Variants in SHISA6 observed in about 807,000 individuals in gnomAD.
The protein encoded by SHISA6 is shisa family member 6.
SHISA6 carries 22 observed loss-of-function variants against 47.9 expected under a neutral mutation model. The observed-to-expected ratio is 0.46, with a 90% CI of 0.33 to 0.66. The LOEUF (loss-of-function observed/expected upper bound fraction) is 0.66. SHISA6 is among the 30% of genes least tolerant of loss of function. The pLI is 0.02. For missense variants in SHISA6, 680 were observed against 764.6 expected, an observed-to-expected ratio of 0.89 and a Z score of 1.30; for synonymous variants, 388 against 337.8, an observed-to-expected ratio of 1.15 and a Z score of -1.63.
chr17:11,459,451 G>A (rs192845002), intron 3 of SHISA6, among the ~76,000 whole-genome samples: 246 of 152,234 alleles, frequency 1.6e-3, no homozygotes, highest in Admixed American at 0.015. Context: ...GTATGAGGCA[G>A]GTGTACAGGG....
intron 3 of SHISA6, among the ~76,000 whole-genome samples, chr17:11,459,114 G>C (rs1915632737): frequency 6.6e-6 from 1 of 151,456 alleles, no homozygotes. Flanking sequence ...AGCTACTCGG[G>C]AGACTGAGGC....
intron 3 of SHISA6, among the ~76,000 whole-genome samples, chr17:11,514,182 C>G (rs1396211151): frequency 6.6e-6 from 1 of 152,186 alleles, no homozygotes; most frequent in Non-Finnish European, 1.5e-5. Flanking sequence ...CAGTTCCAGG[C>G]AGAACACCAT....
chr17:11,508,405 A>G (rs1321410721), intron 3 of SHISA6, among the ~76,000 whole-genome samples: 1 of 141,770 alleles, frequency 7.1e-6, no homozygotes, highest in East Asian at 2.3e-4. Context: ...ACCTAGCCCC[A>G]TTCACCAAAG....
At chr17:11,282,107 C>A (rs1205190682) in intron 2 of SHISA6, among the ~76,000 whole-genome samples, 2 of 152,206 alleles carry the variant, frequency 1.3e-5, no homozygotes, top group Non-Finnish European at 2.9e-5. Flanking sequence ...TCCTCATCTT[C>A]CTCACTCTCA....
At chr17:11,272,362 C>T (rs559714664) in intron 2 of SHISA6, among the ~76,000 whole-genome samples, 1 of 152,318 alleles carries the variant, frequency 6.6e-6, no homozygotes, top group South Asian at 2.1e-4. Flanking sequence ...TCTCACTTCC[C>T]TGGCTCCCTG....
chr17:11,407,766 A>G (rs1914006943), intron 3 of SHISA6, among the ~76,000 whole-genome samples: 1 of 151,742 alleles, frequency 6.6e-6, no homozygotes, highest in African/African-American at 2.4e-5. Context: ...CTTTTTTTGG[A>G]TCTACCAGAA....
intron 3 of SHISA6, among the ~76,000 whole-genome samples, chr17:11,549,960 G>A (rs2071915967): frequency 6.6e-6 from 1 of 152,082 alleles, no homozygotes; most frequent in Non-Finnish European, 1.5e-5. Flanking sequence ...TTTCTTCCCT[G>A]GCTTCAACCT....
rs999214605 is a variant in SHISA6, at chr17:11,481,555, C to T, written c.896-70341C>T. On this transcript the variant is annotated intron_variant, in intron 3 of 5. Transcript: ENST00000441885. ...TCGCCCAGGCTGGAGTGCAGTGGCG[C>T]GATCTTGGCTGACTACAACCTGTGC... Among the ~76,000 whole-genome samples, 5 of 150,656 alleles carry T rather than the reference C, an allele frequency of 3.3e-5. No individual in the cohort carries two copies. In the South Asian group the frequency reaches 6.3e-4, roughly 19 times the overall value.
At chr17:11,364,056 G>A (rs998581223) in intron 2 of SHISA6, among the ~76,000 whole-genome samples, 3 of 152,092 alleles carry the variant, frequency 2.0e-5, no homozygotes, top group African/African-American at 4.8e-5. Flanking sequence ...CCTGAGCAAC[G>A]CTAAGAATCT....
At chr17:11,273,914 G>A (rs1318536099) in intron 2 of SHISA6, among the ~76,000 whole-genome samples, 1 of 11,212 alleles carries the variant, frequency 8.9e-5, no homozygotes, top group Non-Finnish European at 7.3e-4. Context: ...CTGCGAGGAA[G>A]CGCATCATTT....
chr17:11,555,608 T>C (rs1027409017), intron 4 of SHISA6, 132 bp from the exon 5 acceptor site: 6 of 1,034,928 alleles, frequency 5.8e-6, no homozygotes, highest in South Asian at 5.7e-5. Context: ...ACTGAGTCAA[T>C]AGTATCACCT....
chr17:11,558,379 C>A lies in SHISA6; in HGVS notation c.*75C>A, dbSNP rs2072005242. On this transcript the variant is annotated 3_prime_UTR_variant, in exon 6 of 6. Transcript: ENST00000441885. ...CCGGGAGGGGCCAGGAGCAGAGCTT[C>A]TAGCCTTGCCACTCTCCCTTCCCTT... 4.2e-6 allele frequency: 6 copies of A among 1,439,060 alleles called. No homozygotes were observed. Among genetic ancestry groups the A allele is most frequent in the Non-Finnish European group, 5.6e-6 (6 of 1,077,294 alleles). The allele number at this position is 1,439,060 out of a possible 1,614,324, so 89.1% of individuals were successfully genotyped here. A position where few individuals can be genotyped will look rare whatever the true frequency, so the allele number is the denominator to read the frequency against.
intron 1 of SHISA6, among the ~76,000 whole-genome samples, chr17:11,261,803 C>T (rs1404292894): frequency 6.6e-6 from 1 of 152,136 alleles, no homozygotes; most frequent in Non-Finnish European, 1.5e-5. Flanking sequence ...ATATATTTTT[C>T]ATTGTTCTTG....
At chr17:11,402,360 G>T (rs958152754) in intron 3 of SHISA6, among the ~76,000 whole-genome samples, 3 of 152,126 alleles carry the variant, frequency 2.0e-5, no homozygotes, top group East Asian at 1.9e-4. Flanking sequence ...TAAAAAATTA[G>T]GTTTCTTATT....
chr17:11,552,126 G>A (rs902523712), intron 4 of SHISA6, among the ~76,000 whole-genome samples, 174 bp downstream of exon 4: 2 of 152,182 alleles, frequency 1.3e-5, no homozygotes, highest in African/African-American at 4.8e-5. Context: ...AATCTCACTT[G>A]TAGGCTATTT....
intron 2 of SHISA6, among the ~76,000 whole-genome samples, chr17:11,376,380 C>T (rs546297676): frequency 3.3e-5 from 5 of 149,824 alleles, no homozygotes; most frequent in East Asian, 2.0e-4. Context: ...TACAGTGGCG[C>T]GATCTGAGCT....
intron 3 of SHISA6, among the ~76,000 whole-genome samples, chr17:11,398,261 A>G (rs1372817262): frequency 1.3e-5 from 2 of 152,184 alleles, no homozygotes; most frequent in East Asian, 3.9e-4. Flanking sequence ...TTCGTATTTT[A>G]AAAAGGCATC....
chr17:11,353,769 G>A (rs778196266), intron 2 of SHISA6, among the ~76,000 whole-genome samples: 10 of 152,188 alleles, frequency 6.6e-5, no homozygotes, highest in Non-Finnish European at 1.3e-4. Flanking sequence ...AGATTTTAAT[G>A]TTGCTGTGAA....
At chr17:11,400,260 C>A (rs1913719522) in intron 3 of SHISA6, among the ~76,000 whole-genome samples, 1 of 152,162 alleles carries the variant, frequency 6.6e-6, no homozygotes, top group African/African-American at 2.4e-5. Flanking sequence ...AAGGGAGAAA[C>A]TGACGTTCGT....
Sources: allele counts gnomAD v4.1 joint callset (sites outside exome capture counted in the v4.1 genomes callset), GRCh38; gene constraint gnomAD v4.1.1; transcripts MANE v1.5; gene names NCBI Gene and HGNC (gene_info 2026-07-23, HGNC 2026-07-21).